Variants in ADAMTS2 observed in about 807,000 individuals in gnomAD.
ADAMTS2 encodes the protein ADAM metallopeptidase with thrombospondin type 1 motif 2.
ADAMTS2 carries 50 observed loss-of-function variants against 123.0 expected under a neutral mutation model. The observed-to-expected ratio is 0.41, with a 90% CI of 0.32 to 0.51. ADAMTS2 has a LOEUF of 0.51. Among genes scored for constraint, ADAMTS2 ranks in the 20% least tolerant of loss-of-function variants. ADAMTS2 has a pLI of 0.35. For synonymous variants in ADAMTS2, 678 were observed against 695.4 expected (o/e 0.98, Z 0.39); for missense variants, 1,494 against 1,705.2 (o/e 0.88, Z 2.18).
rs1243178647 is a variant in ADAMTS2 at position 179,189,868 on chromosome 5, T to C, written c.892-8713A>G. Among the ~76,000 whole-genome samples, 5 of 150,354 alleles carry C rather than the reference T, an allele frequency of 3.3e-5. 1 individual carries two copies. The highest frequency in any genetic ancestry group is 2.0e-4 in the Admixed American group (3 of 15,102). On this transcript the variant is annotated intron_variant, in intron 4 of 21. Coordinates refer to ENST00000251582, the MANE Select transcript of ADAMTS2 (RefSeq NM_014244.5). This position sits in a 1 kb window ranked among gnomAD's most constrained non-coding sequence, Gnocchi z 4.2. ...TCTTCTCAAGGGTGGGGAGGGTGTA[T>C]CATACAAAGTAGATTCACAAGGGCG...
At position 179,345,281 on chromosome 5, in the gene ADAMTS2, C is replaced by CAGT; in HGVS notation, c.47_48insACT (p.Leu23dup). ...GCGGCAGCAGCAGCAGCAGCAGCAGCAGCGCGGGGCAGAGCAGGCGGCGAG... is the reference window on the plus strand; with the variant it reads ...GCGGCAGCAGCAGCAGCAGCAGCAGCAGTAGCGCGGGGCAGAGCAGGCGGCGAG... On this transcript the variant is annotated inframe_insertion, in exon 1 of 22. Transcript: ENST00000251582. The surrounding 1 kb of genome is among the most constrained non-coding windows in gnomAD (Gnocchi z 7.5). 8.7e-7 allele frequency: 1 copy of CAGT among 1,154,994 alleles called. No individual in the cohort carries two copies. Among genetic ancestry groups the CAGT allele is most frequent in the African/African-American group, 1.6e-5 (1 of 61,040 alleles). 71.5% of individuals were successfully genotyped at this position (1,154,994 alleles called of 1,614,324 possible).
At position 179,117,394 on chromosome 5, in the gene ADAMTS2, C is replaced by T. The variant is rs1762674355; in HGVS notation, c.3179-3070G>A. On this transcript the variant is annotated intron_variant, in intron 21 of 21. Transcript: ENST00000251582. This position sits in a 1 kb window ranked among gnomAD's most constrained non-coding sequence, Gnocchi z 4.2. ...TGGTGTTACACATTTATCCACATCT[C>T]CACTCCCTCACTGTCTCCCCCACCA... Among the ~76,000 whole-genome samples, 2 of 152,198 alleles carry T rather than the reference C, an allele frequency of 1.3e-5. No homozygotes were observed. The highest frequency in any genetic ancestry group is 2.9e-5 in the Non-Finnish European group (2 of 68,042).
chr5:179,195,793 C>T (rs1413845953), intron 4 of ADAMTS2, among the ~76,000 whole-genome samples: 3 of 152,208 alleles, frequency 2.0e-5, no homozygotes, highest in Non-Finnish European at 4.4e-5. Context: ...GTAAGGCCAG[C>T]GGGACAAGCG....
At chr5:179,161,983 T>C (rs1763599694) in intron 5 of ADAMTS2, among the ~76,000 whole-genome samples, 1 of 152,110 alleles carries the variant, frequency 6.6e-6, no homozygotes, top group African/African-American at 2.4e-5. Context: ...CCTGCTGCAG[T>C]GTGAGTGTCT....
intron 2 of ADAMTS2, among the ~76,000 whole-genome samples, chr5:179,337,925 G>A (rs1225414890): frequency 1.3e-5 from 2 of 151,630 alleles, no homozygotes; most frequent in African/African-American, 4.9e-5. Context: ...CAGCAGGCCT[G>A]GGTGAGGACC....
chr5:179,269,514 G>C (rs1373432763), intron 3 of ADAMTS2, among the ~76,000 whole-genome samples: 1 of 152,100 alleles, frequency 6.6e-6, no homozygotes, highest in East Asian at 1.9e-4. Flanking sequence ...GATCTCGTGA[G>C]ACCCACTCAC....
At chr5:179,139,868 G>C in intron 11 of ADAMTS2, 22 bp downstream of exon 11, 2 of 1,611,356 alleles carry the variant, frequency 1.2e-6, no homozygotes, top group South Asian at 2.2e-5. Flanking sequence ...AGCAAGGCCA[G>C]GGGGACATGG....
At chr5:179,126,287 G>A (rs958174273) in intron 17 of ADAMTS2, among the ~76,000 whole-genome samples, 157 bp from the exon 18 acceptor site, 1 of 152,222 alleles carries the variant, frequency 6.6e-6, no homozygotes, top group African/African-American at 2.4e-5. Flanking sequence ...CGGCTGGCTG[G>A]GGGGAGGCCT....
intron 3 of ADAMTS2, among the ~76,000 whole-genome samples, chr5:179,209,265 G>A (rs1764793698): frequency 6.6e-6 from 1 of 152,244 alleles, no homozygotes; most frequent in African/African-American, 2.4e-5. Flanking sequence ...CTCTCGGCCA[G>A]AAGCTCTCTC....
At chr5:179,275,063 A>G (rs1766657882) in intron 2 of ADAMTS2, among the ~76,000 whole-genome samples, 1 of 151,922 alleles carries the variant, frequency 6.6e-6, no homozygotes, top group South Asian at 2.1e-4. Context: ...CAGGAGCATC[A>G]AGGGCACGGT....
chr5:179,269,395 G>C, intron 3 of ADAMTS2, among the ~76,000 whole-genome samples: 1 of 119,218 alleles, frequency 8.4e-6, no homozygotes, highest in Admixed American at 7.6e-5. Flanking sequence ...AGTTCCACAT[G>C]GCTGGGGAGG....
chr5:179,167,237 C>G (rs113246521), intron 5 of ADAMTS2, among the ~76,000 whole-genome samples: 4 of 151,394 alleles, frequency 2.6e-5, no homozygotes, highest in Admixed American at 6.6e-5. Context: ...TGCTGCCCCC[C>G]GCGCGGGGCG....
chr5:179,179,255 GTTT>G (rs36081300), intron 5 of ADAMTS2, among the ~76,000 whole-genome samples: 1 of 144,782 alleles, frequency 6.9e-6, no homozygotes, highest in Non-Finnish European at 1.5e-5. Context: ...CCCCTAGTAG[GTTT>G]TTTTTTTTTT....
At chr5:179,219,948 C>A (rs1447583319) in intron 3 of ADAMTS2, among the ~76,000 whole-genome samples, 2 of 152,218 alleles carry the variant, frequency 1.3e-5, no homozygotes, top group Non-Finnish European at 2.9e-5. Flanking sequence ...GGTCTCGGGG[C>A]CTTCAGAGGC....
chr5:179,207,471 A>ACCCAACCCCCCCCCCCCCCCCCC, intron 4 of ADAMTS2, 42 bp downstream of exon 4: 1 of 1,026,474 alleles, frequency 9.7e-7, no homozygotes, highest in Non-Finnish European at 1.5e-6. Flanking sequence ...CCCCTGGTTG[A>ACCCAACCCCCCCCCCCCCCCCCC]CCCTCCCCGC....
rs547354213 is a variant in ADAMTS2, at chr5:179,233,419, G to A, written c.689-25704C>T. Among the ~76,000 whole-genome samples the A allele has an allele frequency of 2.2e-3, 329 of 150,962 alleles. 1 individual carries two copies. The highest frequency in any genetic ancestry group is 3.8e-3 in the Non-Finnish European group (256 of 67,914). ...AAACAGCCCGGGCATGGTGGCTCAC[G>A]CCTGTAATCCCAGCACTTTGAAAGG... On this transcript the variant is annotated intron_variant, in intron 3 of 21. Coordinates refer to ENST00000251582, the MANE Select transcript of ADAMTS2 (RefSeq NM_014244.5).
intron 2 of ADAMTS2, among the ~76,000 whole-genome samples, chr5:179,292,144 G>A (rs1471540104): frequency 2.6e-5 from 4 of 151,924 alleles, no homozygotes; most frequent in African/African-American, 4.8e-5. Context: ...AATGAAGCAC[G>A]GTAACCACCT....
intron 3 of ADAMTS2, among the ~76,000 whole-genome samples, chr5:179,226,651 G>A (rs1179847377): frequency 6.6e-6 from 1 of 152,162 alleles, no homozygotes; most frequent in African/African-American, 2.4e-5. Flanking sequence ...AAATAAAAAT[G>A]TACGGATCAG....
At chr5:179,214,036 TCCACATTTTA>T (rs1202427337) in intron 3 of ADAMTS2, among the ~76,000 whole-genome samples, 6 of 152,158 alleles carry the variant, frequency 3.9e-5, no homozygotes, top group Admixed American at 3.9e-4. Context: ...CGGGAGAAGT[TCCACATTTTA>T]CCACATTAGG....
Sources: allele counts gnomAD v4.1 joint callset (sites outside exome capture counted in the v4.1 genomes callset), GRCh38; gene constraint gnomAD v4.1.1; non-coding constraint Gnocchi (gnomAD v3.1); transcripts MANE v1.5; gene names NCBI Gene and HGNC (gene_info 2026-07-23, HGNC 2026-07-21).